PHACTR3: variants seen among roughly 807,000 people sequenced by gnomAD.
PHACTR3 encodes the protein phosphatase and actin regulator 3.
Under a neutral mutation model 66.8 loss-of-function variants are expected in PHACTR3, and 16 were observed. The ratio of observed to expected loss-of-function variants is 0.24; its 90% CI spans 0.16 to 0.36. The LOEUF (loss-of-function observed/expected upper bound fraction) is 0.36, where lower values mean the gene tolerates loss of function less well. PHACTR3 is among the 10% of genes least tolerant of loss of function. PHACTR3 has a pLI of 1.00. For synonymous variants in PHACTR3, 323 were observed against 292.1 expected, an observed-to-expected ratio of 1.11 and a Z score of -1.08; for missense variants, 647 against 719.9, an observed-to-expected ratio of 0.90 and a Z score of 1.16.
intron 1 of PHACTR3, 27 bp from the exon 2 acceptor site, chr20:59,743,080 A>G: frequency 6.2e-7 from 1 of 1,603,310 alleles, no homozygotes; most frequent in African/African-American, 1.3e-5. Context: ...TGGCCACTTG[A>G]GGACCCCCTT....
intron 8 of PHACTR3, among the ~76,000 whole-genome samples, chr20:59,809,195 G>T (rs1803333390): frequency 6.6e-6 from 1 of 152,118 alleles, no homozygotes; most frequent in African/African-American, 2.4e-5. Flanking sequence ...GGAGGGCCGT[G>T]AACGTAAGCA....
chr20:59,618,572 C>G (rs960264366), intron 1 of PHACTR3, among the ~76,000 whole-genome samples: 1 of 152,136 alleles, frequency 6.6e-6, no homozygotes, highest in African/African-American at 2.4e-5. Context: ...AGAGGAGGCT[C>G]AATCTCAGCT....
intron 1 of PHACTR3, among the ~76,000 whole-genome samples, chr20:59,672,609 T>C (rs2036231980): frequency 1.3e-5 from 2 of 152,148 alleles, no homozygotes; most frequent in Admixed American, 1.3e-4. Flanking sequence ...GAGGATTAAA[T>C]GGTTTAATGT....
intron 1 of PHACTR3, among the ~76,000 whole-genome samples, chr20:59,645,694 G>T (rs763664585): frequency 6.6e-6 from 1 of 152,128 alleles, no homozygotes; most frequent in Non-Finnish European, 1.5e-5. Context: ...GCGTGTGTGT[G>T]TGTGCATATC....
intron 1 of PHACTR3, among the ~76,000 whole-genome samples, chr20:59,663,265 G>A (rs557099458): frequency 8.5e-5 from 13 of 152,318 alleles, no homozygotes; most frequent in African/African-American, 2.9e-4. Context: ...GCAAGGTTCT[G>A]GGTAGACATG....
At chr20:59,755,062 G>GA in intron 3 of PHACTR3, 120 bp from the exon 4 acceptor site, 3 of 971,008 alleles carry the variant, frequency 3.1e-6, no homozygotes, top group Non-Finnish European at 4.5e-6. Context: ...TGGTGAGGGG[G>GA]AGAGGGGTGG....
At chr20:59,587,764 C>T (rs2033075929) in intron 1 of PHACTR3, among the ~76,000 whole-genome samples, 1 of 151,994 alleles carries the variant, frequency 6.6e-6, no homozygotes, top group African/African-American at 2.4e-5. Flanking sequence ...GGGGCTGGGG[C>T]TGGGGCTGGG....
At chr20:59,723,317 C>G (rs1438093073) in intron 1 of PHACTR3, among the ~76,000 whole-genome samples, 1 of 151,970 alleles carries the variant, frequency 6.6e-6, no homozygotes, top group Non-Finnish European at 1.5e-5. Flanking sequence ...CCCTGGCAAC[C>G]GTGAATCTAC....
At chr20:59,801,148 C>T (rs574435496) in intron 7 of PHACTR3, among the ~76,000 whole-genome samples, 1 of 152,306 alleles carries the variant, frequency 6.6e-6, no homozygotes, top group Non-Finnish European at 1.5e-5. Context: ...TTCACGCTAA[C>T]TCTGGCTGCC....
chr20:59,605,220 C>T (rs1039247581), intron 1 of PHACTR3, 88 bp downstream of exon 1: 48 of 950,032 alleles, frequency 5.1e-5, no homozygotes, highest in Admixed American at 2.2e-4. Flanking sequence ...CTCCGCGCCC[C>T]GCCTGCATTC....
intron 1 of PHACTR3, among the ~76,000 whole-genome samples, chr20:59,682,928 GGA>G (rs2036720464): frequency 6.6e-6 from 1 of 152,124 alleles, no homozygotes; most frequent in African/African-American, 2.4e-5. Context: ...GGGTCGGGGG[GGA>G]CATTGGAGGG....
chr20:59,746,710 G>T lies in PHACTR3; in HGVS notation c.281-1048G>T, dbSNP rs75384915. On this transcript the variant is annotated intron_variant, in intron 2 of 12. Coordinates refer to ENST00000371015, the MANE Select transcript of PHACTR3 (RefSeq NM_080672.5). ...GGCTGACTCTGTCTGTTCCCCGGCAGCTGGCAGGGCCCCCTGCACACACAG... is the reference window on the plus strand; with the variant it reads ...GGCTGACTCTGTCTGTTCCCCGGCATCTGGCAGGGCCCCCTGCACACACAG... Among the ~76,000 whole-genome samples, 907 of 152,352 alleles carry T rather than the reference G, an allele frequency of 6.0e-3. 7 individuals carry two copies. Among genetic ancestry groups the T allele is most frequent in the African/African-American group, 0.021 (860 of 41,592 alleles).
chr20:59,726,909 CTG>C (rs2038584831), intron 1 of PHACTR3, among the ~76,000 whole-genome samples: 1 of 152,108 alleles, frequency 6.6e-6, no homozygotes, highest in Non-Finnish European at 1.5e-5. Context: ...TTTTCCTGCA[CTG>C]TGTTTTGTCT....
upstream of PHACTR3, among the ~76,000 whole-genome samples, chr20:59,601,159 G>A (rs551685334): frequency 9.2e-5 from 14 of 152,160 alleles, no homozygotes; most frequent in South Asian, 1.5e-3. Flanking sequence ...CCCCATCCTC[G>A]GCGTCCACAG....
intron 1 of PHACTR3, among the ~76,000 whole-genome samples, chr20:59,680,819 G>A (rs751159262): frequency 2.0e-5 from 3 of 152,156 alleles, no homozygotes; most frequent in South Asian, 2.1e-4. Context: ...TGTACAGCCC[G>A]TGTTCCACAG....
chr20:59,825,506 G>A (rs1198409221), intron 8 of PHACTR3, among the ~76,000 whole-genome samples: 3 of 152,098 alleles, frequency 2.0e-5, no homozygotes, highest in African/African-American at 7.2e-5. Context: ...TGGTTCCAGG[G>A]CCCTGAGTAC....
chr20:59,647,079 A>G (rs1243710045), intron 1 of PHACTR3, among the ~76,000 whole-genome samples: 1 of 152,214 alleles, frequency 6.6e-6, no homozygotes, highest in Non-Finnish European at 1.5e-5. Context: ...TGCTGCTAAT[A>G]CAGACATATC....
chr20:59,628,638 G>A (rs2034550889), intron 1 of PHACTR3: 1 of 985,320 alleles, frequency 1.0e-6, no homozygotes, highest in Non-Finnish European at 1.2e-6. Flanking sequence ...AAGTACGGGA[G>A]AGGATCAGTT....
intron 1 of PHACTR3, among the ~76,000 whole-genome samples, chr20:59,695,891 T>C (rs6027047): frequency 0.38 from 57,551 of 151,744 alleles, 13,131 homozygotes; most frequent in African/African-American, 0.63. Flanking sequence ...CCTCACCACA[T>C]CCAGCTAATT....
Sources: gnomAD v4.1 joint callset for allele counts (sites outside exome capture counted in the v4.1 genomes callset) on GRCh38, gnomAD v4.1.1 for gene constraint, MANE v1.5 for transcripts, NCBI Gene and HGNC (gene_info 2026-07-23, HGNC 2026-07-21) for gene names.